The following CCNT2 variants were observed in gnomAD, a reference collection of about 807,000 sequenced individuals.
CCNT2 encodes cyclin-T2.
CCNT2 carries 18 observed loss-of-function variants against 70.0 expected under a neutral mutation model. The ratio of observed to expected loss-of-function variants is 0.26; its 90% confidence interval spans 0.18 to 0.38. The LOEUF (loss-of-function observed/expected upper bound fraction) is 0.38, where lower values mean the gene tolerates loss of function less well. Ranked by LOEUF, CCNT2 falls within the 10% of genes least tolerant of loss-of-function variation. The pLI is 1.00. For synonymous variants in CCNT2, 334 were observed against 313.3 expected (o/e 1.07, Z -0.70); for missense variants, 734 against 890.2 (o/e 0.82, Z 2.23).
intron 7 of CCNT2, among the ~76,000 whole-genome samples, chr2:134,950,009 T>C (rs1682344290): frequency 6.6e-6 from 1 of 152,186 alleles, no homozygotes. Context: ...TTGGCCAGGC[T>C]GGTCTTGAAC....
At chr2:134,944,733 C>A in intron 5 of CCNT2, 9 of 984,780 alleles carry the variant, frequency 9.1e-6, no homozygotes, top group Non-Finnish European at 1.1e-5. Flanking sequence ...TTTAAAAGTA[C>A]TGTTTCATGT....
chr2:134,951,279 A>C (rs1231600605), intron 7 of CCNT2, among the ~76,000 whole-genome samples: 1 of 152,166 alleles, frequency 6.6e-6, no homozygotes, highest in Non-Finnish European at 1.5e-5. Flanking sequence ...TGTAGTCTCT[A>C]TTAATAGAGG....
chr2:134,928,858 G>T (rs901778276), intron 2 of CCNT2, among the ~76,000 whole-genome samples: 6 of 152,100 alleles, frequency 3.9e-5, no homozygotes, highest in African/African-American at 1.4e-4. Flanking sequence ...AGGGTTTGGG[G>T]GTAATCTTTA....
In CCNT2 at chr2:134,954,046, T is replaced by C; in HGVS notation, c.1591T>C (p.Ser531Pro). 2 of 1,614,178 alleles carry C rather than the reference T, an allele frequency of 1.2e-6. No individual in the cohort carries two copies. The highest frequency in any genetic ancestry group is 1.7e-6 in the Non-Finnish European group (2 of 1,180,022). Reference protein sequence around the residue: ...EELKMKIKVSSSERHSSSDEG... With the variant: ...EELKMKIKVSPSERHSSSDEG... ...ACTGAAAATGAAAATAAAAGTTTCTTCTTCAGAAAGACACAGCTCTTCTGA... is the reference window on the plus strand; with the variant it reads ...ACTGAAAATGAAAATAAAAGTTTCTCCTTCAGAAAGACACAGCTCTTCTGA... The change falls in exon 9 of 9, where the codon TCT becomes CCT. Residue 531 changes from serine (S) to proline (P), a missense_variant. By Grantham distance (74) the Ser-to-Pro change is moderately conservative. Coordinates refer to ENST00000264157, the MANE Select transcript of CCNT2 (RefSeq NM_058241.3).
chr2:134,926,663 A>G (rs910461502), intron 2 of CCNT2, among the ~76,000 whole-genome samples: 1 of 152,146 alleles, frequency 6.6e-6, no homozygotes, highest in Non-Finnish European at 1.5e-5. Context: ...TTCTTCTTAT[A>G]TCAAGTCCAG....
Position 134,954,390 on chromosome 2 carries a change from T to C in CCNT2, c.1935T>C (p.Ser645=). The change falls in exon 9 of 9, where the codon TCT becomes TCC. Residue 645 remains serine (S), a synonymous_variant. Transcript: ENST00000264157. ...SKSSKSSGSS[S]SSSSSVKQYI... is the part of the protein sequence containing the mutation. ...GTTCCAAAAGTTCAGGTAGTTCATC[T>C]AGTTCTTCCTCCTCTGTTAAGCAGT... is the stretch of plus-strand genomic sequence containing the variant. 6.2e-7 allele frequency: 1 copy of C among 1,614,154 alleles called. No homozygotes were observed. The highest frequency in any genetic ancestry group is 2.2e-5 in the East Asian group (1 of 44,884).
At chr2:134,926,037 T>TA (rs1163996131) in intron 2 of CCNT2, among the ~76,000 whole-genome samples, 13 of 151,528 alleles carry the variant, frequency 8.6e-5, no homozygotes, top group Non-Finnish European at 7.4e-5. Context: ...TTAATTTTTT[T>TA]AATTTTTTGT....
At chr2:134,946,927 A>G (rs1409169203) in intron 6 of CCNT2, among the ~76,000 whole-genome samples, 1 of 152,184 alleles carries the variant, frequency 6.6e-6, no homozygotes, top group African/African-American at 2.4e-5. Context: ...TTCTTGTGAC[A>G]CTGATAAGTT....
At chr2:134,936,132 T>C (rs138857609) in intron 2 of CCNT2, among the ~76,000 whole-genome samples, 1 of 149,906 alleles carries the variant, frequency 6.7e-6, no homozygotes, top group African/African-American at 2.4e-5. Flanking sequence ...ATAGTGGGTA[T>C]ACTTGATCCG....
Position 134,928,614 on chromosome 2 carries a change from T to A in CCNT2, c.241-8227T>A, listed in dbSNP as rs140108527. 2.4e-3 allele frequency among the ~76,000 whole-genome samples: 367 copies of A among 152,254 alleles called. 1 individual carries two copies. The highest frequency in any genetic ancestry group is 8.3e-3 in the African/African-American group (346 of 41,544). Reference sequence around the variant, plus strand: ...TTGACAGTGACGGTGTGGGCTATAGTCATTTGTATCCACCAGCAAATAGAA... The same window carrying A: ...TTGACAGTGACGGTGTGGGCTATAGACATTTGTATCCACCAGCAAATAGAA... On this transcript the variant is annotated intron_variant, in intron 2 of 8. Transcript: ENST00000264157.
At chr2:134,922,295 A>G (rs72974390) in intron 2 of CCNT2, among the ~76,000 whole-genome samples, 1 of 152,260 alleles carries the variant, frequency 6.6e-6, no homozygotes, top group Non-Finnish European at 1.5e-5. Flanking sequence ...CTAGTCTTAT[A>G]GTAAATATTA....
chr2:134,954,347 A>G lies in CCNT2; in HGVS notation c.1892A>G (p.His631Arg). Reference protein sequence around the residue: ...LHVNDASHNHHSKMSKSSKSS... With the variant: ...LHVNDASHNHRSKMSKSSKSS... Reference sequence around the variant, plus strand: ...GTCAATGATGCATCTCACAACCACCACTCCAAAATGAGCAAAAGTTCCAAA... The same window carrying G: ...GTCAATGATGCATCTCACAACCACCGCTCCAAAATGAGCAAAAGTTCCAAA... Residue 631 changes from histidine (H) to arginine (R), a missense_variant, in exon 9 of 9, where the codon CAC (histidine) becomes CGC (arginine). Around this residue, in one of 3 missense-constraint regions of CCNT2, gnomAD observed 532 missense variants for 556.9 expected, o/e 0.96. Coordinates refer to ENST00000264157, the MANE Select transcript of CCNT2 (RefSeq NM_058241.3). 1 of 1,613,872 alleles carries G rather than the reference A, an allele frequency of 6.2e-7. No homozygotes were observed. The highest frequency in any genetic ancestry group is 8.5e-7 in the Non-Finnish European group (1 of 1,179,952).
Position 134,955,887 on chromosome 2 carries a change from G to A in CCNT2, c.*1239G>A, listed in dbSNP as rs2105097658. On this transcript the variant is annotated 3_prime_UTR_variant, in exon 9 of 9. Transcript: ENST00000264157. ...TTATGGTTATCAGGAAGCTCTGTAA[G>A]AAAGAAAAGGTCAGCCTCCCAGGCA... 6.5e-6 allele frequency: 1 copy of A among 152,750 alleles called. No individual in the cohort carries two copies. The highest frequency in any genetic ancestry group is 1.9e-4 in the East Asian group (1 of 5,172). The allele number at this position is 152,750 out of a possible 1,614,324, so 9.5% of individuals were successfully genotyped here.
At position 134,954,685 on chromosome 2, in the gene CCNT2, AT is replaced by A; in HGVS notation, c.*40del. On this transcript the variant is annotated 3_prime_UTR_variant, in exon 9 of 9. Transcript: ENST00000264157. ...GGTCAATTTTTCCTTTACTTTTTTA[AT>A]TTAAAAATTGTTAGAATGGAAAAAT... 1 of 1,411,100 alleles carries A rather than the reference AT, an allele frequency of 7.1e-7. No homozygotes were observed. The highest frequency in any genetic ancestry group is 9.9e-7 in the Non-Finnish European group (1 of 1,012,600). 87.4% of individuals were successfully genotyped at this position (1,411,100 alleles called of 1,614,324 possible).
rs1682890800 is a variant in CCNT2 at position 134,955,849 on chromosome 2, C to T, written c.*1201C>T. On this transcript the variant is annotated 3_prime_UTR_variant, in exon 9 of 9. Transcript: ENST00000264157. ...AAAGATTACTGACTGTGCATTGTAC[C>T]TGTATTTATAGTTTATGGTTATCAG... 1 of 152,512 alleles carries T rather than the reference C, an allele frequency of 6.6e-6. No homozygotes were observed. The highest frequency in any genetic ancestry group is 2.1e-4 in the South Asian group (1 of 4,826). 9.4% of individuals were successfully genotyped at this position (152,512 alleles called of 1,614,324 possible).
rs1020441446 is a variant in CCNT2 at position 134,956,499 on chromosome 2, A to C, written c.*1851A>C. The C allele has an allele frequency of 6.6e-6, 1 of 152,388 alleles. No homozygotes were observed. Among genetic ancestry groups the C allele is most frequent in the African/African-American group, 2.4e-5 (1 of 41,414 alleles). 9.4% of individuals were successfully genotyped at this position (152,388 alleles called of 1,614,324 possible). ...TATCCATAAACATGGTAATTTTGAT[A>C]CAGTTATACTTTTACAGTGGTACAT... On this transcript the variant is annotated 3_prime_UTR_variant, in exon 9 of 9. Transcript: ENST00000264157.
In CCNT2 at chr2:134,959,207, C is replaced by T. The variant is rs907327450; in HGVS notation, c.*4559C>T. 2.0e-5 allele frequency: 3 copies of T among 151,558 alleles called. No homozygotes were observed. Among genetic ancestry groups the T allele is most frequent in the African/African-American group, 7.3e-5 (3 of 41,182 alleles). 9.4% of individuals were successfully genotyped at this position (151,558 alleles called of 1,614,324 possible). ...TCATTTTCTGAATGTACTCAAAACT[C>T]CCAACAACAATTGAACAGGATGTTT... On this transcript the variant is annotated 3_prime_UTR_variant, in exon 9 of 9. Coordinates refer to ENST00000264157, the MANE Select transcript of CCNT2 (RefSeq NM_058241.3).
At chr2:134,939,922 CAT>C (rs773171335) in intron 4 of CCNT2, among the ~76,000 whole-genome samples, 5 of 152,166 alleles carry the variant, frequency 3.3e-5, no homozygotes, top group Admixed American at 6.5e-5. Flanking sequence ...TATCTAAAGT[CAT>C]ATGTTAGTTC....
chr2:134,920,176 A>G (rs1164729212), intron 2 of CCNT2: 4 of 258,002 alleles, frequency 1.6e-5, no homozygotes, highest in Non-Finnish European at 3.0e-5. Flanking sequence ...TTTAAATTCT[A>G]TACTTAACAT....
Sources: gnomAD v4.1 joint callset for allele counts (sites outside exome capture counted in the v4.1 genomes callset) on GRCh38, gnomAD v4.1.1 for gene constraint, gnomAD v4.1.1 regional missense constraint, MANE v1.5 for transcripts, NCBI Gene and HGNC (gene_info 2026-07-23, HGNC 2026-07-21) for gene names.